ARAP1: variants seen among roughly 807,000 people sequenced by gnomAD.
ARAP1 encodes the protein ArfGAP with RhoGAP domain, ankyrin repeat and PH domain 1.
ARAP1 carries 76 observed loss-of-function variants against 172.2 expected under a neutral mutation model. The observed-to-expected ratio is 0.44, with a 90% confidence interval of 0.37 to 0.53. ARAP1 has a LOEUF of 0.53. Ranked by LOEUF, ARAP1 falls within the 20% of genes least tolerant of loss-of-function variation. The pLI, the probability that ARAP1 is intolerant of heterozygous loss-of-function variation, is 0.00. For missense variants in ARAP1, 1,686 were observed against 1,977.5 expected (o/e 0.85, Z 2.80); for synonymous variants, 804 against 803.3 (o/e 1.00, Z -0.01).
intron 19 of ARAP1, 77 bp from the exon 20 acceptor site, chr11:72,697,726 C>A: frequency 1.9e-6 from 3 of 1,587,306 alleles, no homozygotes; most frequent in South Asian, 1.1e-5. Context: ...TGTGAGCACA[C>A]ACACACCCTT....
chr11:72,714,030 A>C, intron 4 of ARAP1, 122 bp downstream of exon 4: 1 of 1,141,442 alleles, frequency 8.8e-7, no homozygotes, highest in Non-Finnish European at 1.2e-6. Flanking sequence ...CCGGGGCCAC[A>C]CAGTGGGCTG....
Position 72,686,158 on chromosome 11 carries a change from G to A in ARAP1, c.4219C>T (p.Arg1407Cys), listed in dbSNP as rs573078696. The A allele has an allele frequency of 1.2e-4, 187 of 1,613,878 alleles. 1 individual carries two copies. In the Middle Eastern group the frequency reaches 1.2e-3, roughly 10 times the overall value. ...DGLVWPSEPSRVSRAVPEVRL... is the reference protein window; with the variant it reads ...DGLVWPSEPSCVSRAVPEVRL... Reference sequence around the variant, plus strand: ...ACCTCAGGCACTGCCCGGGACACGCGTGAGGGCTCTGAGGGCCACACCAGG... The same window carrying A: ...ACCTCAGGCACTGCCCGGGACACGCATGAGGGCTCTGAGGGCCACACCAGG... The change falls in exon 34 of 35, where the codon CGC becomes TGC. Residue 1407 changes from arginine (R) to cysteine (C), a missense_variant. Transcript: ENST00000393609.
intron 3 of ARAP1, among the ~76,000 whole-genome samples, chr11:72,717,167 G>A (rs1857312248): frequency 6.6e-6 from 1 of 152,172 alleles, no homozygotes; most frequent in South Asian, 2.1e-4. Flanking sequence ...ATGAGCTGGG[G>A]TGCTGGCCCC....
chr11:72,748,818 G>A (rs1446555101), intron 1 of ARAP1, among the ~76,000 whole-genome samples: 3 of 150,350 alleles, frequency 2.0e-5, no homozygotes, highest in African/African-American at 5.0e-5. Context: ...CCTGGCCAGG[G>A]GTAGGGGAAG....
chr11:72,722,151 CAG>C (rs3029807), intron 3 of ARAP1: 185,184 of 809,616 alleles, frequency 0.23, 7,567 homozygotes, highest in Middle Eastern at 0.32. Flanking sequence ...GAGGAAAGGA[CAG>C]AGAGAGAGAG....
chr11:72,704,469 G>T, intron 13 of ARAP1, 135 bp from the exon 14 acceptor site: 1 of 1,015,796 alleles, frequency 9.8e-7, no homozygotes, highest in Non-Finnish European at 1.4e-6. Context: ...AATGGGGAAG[G>T]TGAGGACAGC....
rs573903331 is a variant in ARAP1 at position 72,718,307 on chromosome 11, A to T, written c.510-3986T>A. On this transcript the variant is annotated intron_variant, in intron 3 of 34. Coordinates refer to ENST00000393609, the MANE Select transcript of ARAP1 (RefSeq NM_001040118.3). Reference sequence around the variant, plus strand: ...ACAGGGCCCACAGAATGCCCCCGCCATAGCCCAAGTCCCAGCCTCTCACTG... The same window carrying T: ...ACAGGGCCCACAGAATGCCCCCGCCTTAGCCCAAGTCCCAGCCTCTCACTG... 2.2e-4 allele frequency among the ~76,000 whole-genome samples: 33 copies of T among 151,744 alleles called. 1 individual carries two copies. In the South Asian group the frequency reaches 4.6e-3, roughly 21 times the overall value.
At chr11:72,697,252 G>T in intron 21 of ARAP1, 57 bp from the exon 22 acceptor site, 1 of 1,584,496 alleles carries the variant, frequency 6.3e-7, no homozygotes. Flanking sequence ...ATGGGGCGGG[G>T]CCGCGCAGCT....
intron 1 of ARAP1, among the ~76,000 whole-genome samples, chr11:72,733,599 T>A (rs1857928690): frequency 6.6e-6 from 1 of 152,058 alleles, no homozygotes; most frequent in Admixed American, 6.6e-5. Context: ...TAGGGACCAG[T>A]GGAGTGGCAT....
rs181143493 is a variant in ARAP1 at position 72,749,885 on chromosome 11, A to T, written c.-128+2443T>A. Among the ~76,000 whole-genome samples, 631 of 150,620 alleles carry T rather than the reference A, an allele frequency of 4.2e-3. 3 individuals are homozygous for T. Among genetic ancestry groups the T allele is most frequent in the African/African-American group, 0.014 (569 of 41,188 alleles). ...GACTCCGTCTCAAAAAAAAAAAAAAAGTTCCCTCTCCCTCTCTCCCCTTTC... is the reference window on the plus strand; with the variant it reads ...GACTCCGTCTCAAAAAAAAAAAAAATGTTCCCTCTCCCTCTCTCCCCTTTC... On this transcript the variant is annotated intron_variant, in intron 1 of 34. Transcript: ENST00000393609.
At chr11:72,707,091 C>T in intron 12 of ARAP1, 84 bp downstream of exon 12, 1 of 1,377,384 alleles carries the variant, frequency 7.3e-7, no homozygotes, top group Non-Finnish European at 9.7e-7. Context: ...CCGCTCCAGG[C>T]CCTCCTCCAG....
intron 19 of ARAP1, 95 bp from the exon 20 acceptor site, chr11:72,697,744 G>C: frequency 6.4e-7 from 1 of 1,557,316 alleles, no homozygotes. Flanking sequence ...CTTGAGACCC[G>C]CCCACCAATG....
intron 4 of ARAP1, 120 bp downstream of exon 4, chr11:72,714,032 A>G (rs1223138801): frequency 2.6e-6 from 3 of 1,148,532 alleles, no homozygotes; most frequent in Non-Finnish European, 2.3e-6. Flanking sequence ...GGGGCCACAC[A>G]GTGGGCTGGT....
At chr11:72,728,147 T>C (rs1171438403) in intron 2 of ARAP1, among the ~76,000 whole-genome samples, 3 of 152,160 alleles carry the variant, frequency 2.0e-5, no homozygotes, top group Non-Finnish European at 4.4e-5. Flanking sequence ...ACAACAAAAA[T>C]AAACAAGAGG....
At position 72,688,547 on chromosome 11, in the gene ARAP1, G is replaced by C; in HGVS notation, c.3988-10C>G. ...TCTCAGGCCGGTGACTCTGAGGTAG[G>C]GCAAGGAGAAGAGGGCACTTTAGTC... On this transcript the variant is annotated splice_polypyrimidine_tract_variant and intron_variant, in intron 30 of 34. Transcript: ENST00000393609. 1 of 1,609,844 alleles carries C rather than the reference G, an allele frequency of 6.2e-7. No homozygotes were observed. The highest frequency in any genetic ancestry group is 8.5e-7 in the Non-Finnish European group (1 of 1,177,964).
intron 31 of ARAP1, 43 bp from the exon 32 acceptor site, chr11:72,687,781 T>G: frequency 6.2e-7 from 1 of 1,610,544 alleles, no homozygotes; most frequent in Non-Finnish European, 8.5e-7. Flanking sequence ...TGACAGGCCA[T>G]AGAGGCTCAA....
intron 1 of ARAP1, among the ~76,000 whole-genome samples, chr11:72,750,257 C>T (rs534892634): frequency 2.2e-4 from 33 of 152,170 alleles, no homozygotes; most frequent in Non-Finnish European, 3.7e-4. Flanking sequence ...GAGTGAGGGG[C>T]GGGGGGCCAG....
chr11:72,713,332 A>C (rs1245903285), intron 4 of ARAP1, 89 bp from the exon 5 acceptor site: 3 of 1,250,232 alleles, frequency 2.4e-6, no homozygotes, highest in Non-Finnish European at 3.5e-6. Flanking sequence ...AGCCTCCCCC[A>C]TGCCAAGACC....
rs546084137 is a variant in ARAP1, at chr11:72,714,174, C to G, written c.657G>C (p.Pro219=). 2 of 1,502,902 alleles carry G rather than the reference C, an allele frequency of 1.3e-6. No homozygotes were observed. Among genetic ancestry groups the G allele is most frequent in the African/African-American group, 2.9e-5 (2 of 69,284 alleles). 93.1% of individuals were successfully genotyped at this position (1,502,902 alleles called of 1,614,324 possible). ...PPCPPEIPPK[P]VRLFPEFDDS... is the part of the protein sequence containing the mutation. The stretch of plus-strand genomic sequence containing the variant: ...CACCGAACTCTGGGAACAGGCGTAC[C>G]GGCTTTGGAGGTATCTCCGGGGGGC... Residue 219 remains proline (P), a synonymous_variant, in exon 4 of 35, where the codon CCG becomes CCC. Transcript: ENST00000393609.
Sources: gnomAD v4.1 joint callset for allele counts (sites outside exome capture counted in the v4.1 genomes callset) on GRCh38, gnomAD v4.1.1 for gene constraint, MANE v1.5 for transcripts, NCBI Gene and HGNC (gene_info 2026-07-23, HGNC 2026-07-21) for gene names.